Variants in ST3GAL3 observed in about 807,000 individuals in gnomAD.
ST3GAL3 encodes CMP-N-acetylneuraminate-beta-1,4-galactoside alpha-2,3-sialyltransferase.
Under a neutral mutation model 50.1 loss-of-function variants are expected in ST3GAL3, and 21 were observed. The observed-to-expected ratio is 0.42, with a 90% CI of 0.30 to 0.60. ST3GAL3 has a LOEUF of 0.60. ST3GAL3 is among the 20% of genes least tolerant of loss of function. The pLI is 0.19. For synonymous variants in ST3GAL3, 183 were observed against 190.0 expected, an observed-to-expected ratio of 0.96 and a Z score of 0.30; for missense variants, 353 against 489.4, an observed-to-expected ratio of 0.72 and a Z score of 2.63.
chr1:43,897,745 T>G (rs1470161787), intron 6 of ST3GAL3, among the ~76,000 whole-genome samples: 1 of 152,106 alleles, frequency 6.6e-6, no homozygotes, highest in South Asian at 2.1e-4. Context: ...AAAGGTGATG[T>G]CAGATAATGA....
intron 2 of ST3GAL3, among the ~76,000 whole-genome samples, chr1:43,755,892 T>G (rs1426824016): frequency 1.3e-5 from 2 of 151,772 alleles, no homozygotes; most frequent in Non-Finnish European, 2.9e-5. Flanking sequence ...TCTAGGAGTT[T>G]GAGACCAGCC....
chr1:43,733,163 C>G (rs1489300697), intron 1 of ST3GAL3, among the ~76,000 whole-genome samples: 1 of 152,018 alleles, frequency 6.6e-6, no homozygotes, highest in East Asian at 1.9e-4. Context: ...TCCAGCTAAT[C>G]TTAAAATTTT....
chr1:43,729,789 G>A (rs1208531937), intron 1 of ST3GAL3, among the ~76,000 whole-genome samples: 1 of 152,214 alleles, frequency 6.6e-6, no homozygotes, highest in Admixed American at 6.5e-5. Flanking sequence ...GTTACAAATA[G>A]TGCTACAATA....
At chr1:43,799,551 T>G (rs1323492872) in intron 3 of ST3GAL3, 1 of 152,156 alleles carries the variant, frequency 6.6e-6, no homozygotes, top group African/African-American at 2.4e-5. Flanking sequence ...GCAAATAGGC[T>G]CCCTCAGCCC....
chr1:43,858,468 G>C (rs1227199951), intron 5 of ST3GAL3, among the ~76,000 whole-genome samples: 1 of 152,234 alleles, frequency 6.6e-6, no homozygotes, highest in East Asian at 1.9e-4. Context: ...TGGTATTTGA[G>C]GATTGATCTT....
intron 11 of ST3GAL3, chr1:43,922,338 C>G (rs921543060): frequency 6.6e-6 from 1 of 151,840 alleles, no homozygotes; most frequent in Non-Finnish European, 1.5e-5. Context: ...CCTGTCTCTA[C>G]TAAAAATACA....
At chr1:43,728,863 A>G (rs4660259) in intron 1 of ST3GAL3, among the ~76,000 whole-genome samples, 102,760 of 151,888 alleles carry the variant, frequency 0.68, 35,124 homozygotes, top group East Asian at 0.72. Context: ...ACATATGTAC[A>G]TATACACACA....
chr1:43,872,990 C>T (rs2073316862), intron 5 of ST3GAL3, among the ~76,000 whole-genome samples: 1 of 151,978 alleles, frequency 6.6e-6, no homozygotes, highest in Admixed American at 6.6e-5. Context: ...AGGAAAGATG[C>T]CTGTGTTAAA....
intron 5 of ST3GAL3, chr1:43,840,030 CT>C (rs529923605): frequency 4.1e-3 from 573 of 141,212 alleles, no homozygotes; most frequent in East Asian, 7.5e-3. Context: ...TTTTCCCTTC[CT>C]TTTTTTTTTT....
At chr1:43,853,209 C>T (rs1012527994) in intron 5 of ST3GAL3, among the ~76,000 whole-genome samples, 3 of 152,166 alleles carry the variant, frequency 2.0e-5, no homozygotes, top group Non-Finnish European at 2.9e-5. Context: ...CAGGCTAAAC[C>T]TGTGGCCAAA....
intron 2 of ST3GAL3, among the ~76,000 whole-genome samples, chr1:43,789,877 TA>T (rs11440181): frequency 5.4e-4 from 78 of 145,758 alleles, no homozygotes; most frequent in Non-Finnish European, 8.0e-4. Context: ...CTGGCTCTAT[TA>T]AAAAAAAAAA....
chr1:43,714,988 T>G (rs1399912555), intron 1 of ST3GAL3, among the ~76,000 whole-genome samples: 1 of 152,230 alleles, frequency 6.6e-6, no homozygotes, highest in Non-Finnish European at 1.5e-5. Context: ...CTATGTATCA[T>G]AAATTTCCTC....
chr1:43,763,724 G>A (rs148178624), intron 2 of ST3GAL3, among the ~76,000 whole-genome samples: 13 of 152,306 alleles, frequency 8.5e-5, no homozygotes, highest in East Asian at 3.9e-4. Flanking sequence ...TTACTAGACC[G>A]TGGGCATCCA....
intron 2 of ST3GAL3, chr1:43,743,387 G>A: frequency 3.7e-6 from 1 of 268,934 alleles, no homozygotes; most frequent in Non-Finnish European, 7.2e-6. Flanking sequence ...TGTGGACATG[G>A]TGCCTCTTTA....
intron 11 of ST3GAL3, among the ~76,000 whole-genome samples, chr1:43,922,804 G>GAAA (rs59235536): frequency 8.9e-6 from 1 of 111,954 alleles, no homozygotes. Context: ...TCTCAAAAAA[G>GAAA]AAAAAAAAAA....
At chr1:43,783,398 A>T (rs1320245616) in intron 2 of ST3GAL3, among the ~76,000 whole-genome samples, 1 of 152,072 alleles carries the variant, frequency 6.6e-6, no homozygotes, top group Non-Finnish European at 1.5e-5. Context: ...GTCCTCCTGA[A>T]AATGTCCCAC....
chr1:43,723,448 G>A (rs148892237), intron 1 of ST3GAL3, among the ~76,000 whole-genome samples: 50 of 152,086 alleles, frequency 3.3e-4, no homozygotes, highest in African/African-American at 1.1e-3. Context: ...CTCCCTTTCC[G>A]CTTCTGCCAT....
intron 2 of ST3GAL3, among the ~76,000 whole-genome samples, chr1:43,768,864 G>A (rs1694068567): frequency 1.3e-5 from 2 of 152,022 alleles, no homozygotes; most frequent in Non-Finnish European, 2.9e-5. Flanking sequence ...CAGTTCCAGA[G>A]AACTGAAAAA....
intron 9 of ST3GAL3, chr1:43,916,801 C>G (rs1045541043): frequency 2.0e-5 from 3 of 152,124 alleles, no homozygotes; most frequent in Non-Finnish European, 4.4e-5. Flanking sequence ...TATTGAATTC[C>G]TGGGCTCAAG....
Sources: gnomAD v4.1 joint callset for allele counts (sites outside exome capture counted in the v4.1 genomes callset) on GRCh38, gnomAD v4.1.1 for gene constraint, MANE v1.5 for transcripts, NCBI Gene and HGNC (gene_info 2026-07-23, HGNC 2026-07-21) for gene names.